Variants in PCDHGB5 observed in about 807,000 individuals in gnomAD.
PCDHGB5 encodes protocadherin gamma subfamily B, 5.
PCDHGB5 carries 48 observed loss-of-function variants against 62.9 expected under a neutral mutation model. The observed-to-expected ratio is 0.76, with a 90% CI of 0.61 to 0.97. The LOEUF (loss-of-function observed/expected upper bound fraction) is 0.97. PCDHGB5 is among the 50% of genes least tolerant of loss of function. PCDHGB5 has a pLI of 0.00. For synonymous variants in PCDHGB5, 474 were observed against 511.2 expected (o/e 0.93, Z 0.98); for missense variants, 1,118 against 1,198.6 (o/e 0.93, Z 0.99).
intron 1 of PCDHGB5, chr5:141,441,702 A>G: frequency 3.2e-6 from 1 of 309,906 alleles, no homozygotes. Context: ...GCGAGCCTTC[A>G]AGCTCACGCT....
At chr5:141,506,172 TG>T (rs2099850913) in intron 3 of PCDHGB5, among the ~76,000 whole-genome samples, 1 of 152,128 alleles carries the variant, frequency 6.6e-6, no homozygotes, top group South Asian at 2.1e-4. Flanking sequence ...CAGCCTAAGC[TG>T]GGCGTGGTGG....
intron 1 of PCDHGB5, chr5:141,409,662 TCTC>T (rs1473145245): frequency 2.5e-6 from 4 of 1,613,562 alleles, no homozygotes; most frequent in Admixed American, 1.7e-5. Context: ...AATGGCCACA[TCTC>T]CTACTCTATA....
At chr5:141,427,092 G>T in intron 1 of PCDHGB5, 1 of 458,134 alleles carries the variant, frequency 2.2e-6, no homozygotes, top group Non-Finnish European at 4.4e-6. Flanking sequence ...CCAGGATGAG[G>T]GTGTCAATGC....
At chr5:141,400,904 T>C (rs958521699) in intron 1 of PCDHGB5, among the ~76,000 whole-genome samples, 14 of 152,250 alleles carry the variant, frequency 9.2e-5, no homozygotes, top group African/African-American at 3.4e-4. Context: ...TAATTCATCT[T>C]TTAAAGCAAA....
At position 141,491,899 on chromosome 5, in the gene PCDHGB5, G is replaced by A; in HGVS notation, c.2398-2908G>A. The A allele has an allele frequency of 7.0e-7, 1 of 1,433,322 alleles. No homozygotes were observed. Among genetic ancestry groups the A allele is most frequent in the South Asian group, 1.5e-5 (1 of 67,156 alleles). The allele number at this position is 1,433,322 out of a possible 1,614,324, so 88.8% of individuals were successfully genotyped here. A position where few individuals can be genotyped will look rare whatever the true frequency, so the allele number is the denominator to read the frequency against. On this transcript the variant is annotated intron_variant, in intron 1 of 3. Coordinates refer to ENST00000617380, the MANE Select transcript of PCDHGB5 (RefSeq NM_018925.3). The surrounding 1 kb of genome is among the most constrained non-coding windows in gnomAD (Gnocchi z 6.9). ...TTAAGGGATGGGGCTCCGAGCACCG[G>A]GGGTGGTGGCGACTGTGGGCGAGGG... is the stretch of plus-strand genomic sequence containing the variant.
intron 1 of PCDHGB5, among the ~76,000 whole-genome samples, chr5:141,464,076 C>A (rs561982216): frequency 3.1e-4 from 47 of 152,132 alleles, no homozygotes; most frequent in African/African-American, 9.4e-4. Context: ...GCCAGCCTGG[C>A]CAACATGGTG....
At chr5:141,403,772 A>G in intron 1 of PCDHGB5, 1 of 1,613,960 alleles carries the variant, frequency 6.2e-7, no homozygotes, top group Middle Eastern at 1.7e-4. Flanking sequence ...TGAGGGAATC[A>G]ACGGAAAAGT....
intron 3 of PCDHGB5, among the ~76,000 whole-genome samples, chr5:141,507,802 T>G (rs886950696): frequency 6.6e-6 from 1 of 152,204 alleles, no homozygotes; most frequent in African/African-American, 2.4e-5. Context: ...GCCTGCGCCC[T>G]GGGGAACGGA....
At position 141,409,172 on chromosome 5, in the gene PCDHGB5, G is replaced by T. The variant is rs574905228; in HGVS notation, c.2397+8648G>T. ...CACCATGGAAGTGGAAGCGAAGGAC[G>T]GAGGTGGTCTCTCTACCCAGTGTAA... On this transcript the variant is annotated intron_variant, in intron 1 of 3. Coordinates refer to ENST00000617380, the MANE Select transcript of PCDHGB5 (RefSeq NM_018925.3). The T allele has an allele frequency of 1.4e-5, 22 of 1,614,006 alleles. No homozygotes were observed. In the South Asian group the frequency reaches 2.4e-4, roughly 18 times the overall value.
At chr5:141,421,788 G>C (rs1262781272) in intron 1 of PCDHGB5, 7 of 1,613,682 alleles carry the variant, frequency 4.3e-6, no homozygotes, top group Admixed American at 3.3e-5. Flanking sequence ...GGGGCAGAAC[G>C]GATGGGGCCA....
intron 1 of PCDHGB5, among the ~76,000 whole-genome samples, chr5:141,425,769 A>C (rs1355689852): frequency 6.6e-6 from 1 of 152,256 alleles, no homozygotes; most frequent in Non-Finnish European, 1.5e-5. Flanking sequence ...ACAGGAGAGA[A>C]GACTTTGCCT....
chr5:141,464,515 A>C (rs969421973), intron 1 of PCDHGB5, among the ~76,000 whole-genome samples: 4 of 152,028 alleles, frequency 2.6e-5, no homozygotes, highest in Non-Finnish European at 4.4e-5. Flanking sequence ...CATAAGGTAA[A>C]GGCATATGTA....
At chr5:141,500,026 T>G (rs1297397353) in intron 2 of PCDHGB5, among the ~76,000 whole-genome samples, 1 of 151,974 alleles carries the variant, frequency 6.6e-6, no homozygotes, top group Non-Finnish European at 1.5e-5. Flanking sequence ...TATATTTGAG[T>G]GAGTGTCTCT....
chr5:141,423,184 C>A (rs747938944), intron 1 of PCDHGB5: 1 of 1,613,442 alleles, frequency 6.2e-7, no homozygotes, highest in South Asian at 1.1e-5. Flanking sequence ...CCACGGCCAG[C>A]CCCCTCTCTC....
In PCDHGB5 at chr5:141,477,018, C is replaced by T. The variant is rs2099403540; in HGVS notation, c.2398-17789C>T. The T allele has an allele frequency of 3.1e-6, 5 of 1,614,262 alleles. No homozygotes were observed. Among genetic ancestry groups the T allele is most frequent in the Non-Finnish European group, 4.2e-6 (5 of 1,180,048 alleles). ...CAACTATTCGCCTTAGACCTTGTAA[C>T]CGGGATGCTGACAATCAAGGGTCGG... On this transcript the variant is annotated intron_variant, in intron 1 of 3. Coordinates refer to ENST00000617380, the MANE Select transcript of PCDHGB5 (RefSeq NM_018925.3). The surrounding 1 kb of genome is among the most constrained non-coding windows in gnomAD (Gnocchi z 4.9).
In PCDHGB5 at chr5:141,400,304, G is replaced by T; in HGVS notation, c.2177G>T (p.Gly726Val). The T allele has an allele frequency of 6.2e-7, 1 of 1,614,048 alleles. No homozygotes were observed. The highest frequency in any genetic ancestry group is 1.3e-5 in the African/African-American group (1 of 75,064). ...GCCGCCTGGAGCTGCTTCCAACCTG[G>T]TCTCTGTGTCAAGTCTGGACCTGTG... ...SPAAWSCFQPGLCVKSGPVVP... is the reference protein window; with the variant it reads ...SPAAWSCFQPVLCVKSGPVVP... The change falls in exon 1 of 4, where the codon GGT becomes GTT. Residue 726 changes from glycine (G) to valine (V), a missense_variant. Around this residue, in one of 2 missense-constraint regions of PCDHGB5, gnomAD observed 1,034 missense variants for 1,029.1 expected, o/e 1.00. Transcript: ENST00000617380.
intron 1 of PCDHGB5, chr5:141,404,696 G>A (rs757662807): frequency 6.2e-7 from 1 of 1,614,104 alleles, no homozygotes; most frequent in Non-Finnish European, 8.5e-7. Context: ...ACCCCGCTCT[G>A]CAGAGCCTGG....
intron 1 of PCDHGB5, chr5:141,408,627 T>A: frequency 6.2e-7 from 1 of 1,613,916 alleles, no homozygotes; most frequent in Admixed American, 1.7e-5. Flanking sequence ...CATTTAGAAA[T>A]TTTCGAATCT....
chr5:141,492,106 C>T (rs1265796740), intron 1 of PCDHGB5, among the ~76,000 whole-genome samples: 2 of 152,238 alleles, frequency 1.3e-5, no homozygotes, highest in South Asian at 2.1e-4. Flanking sequence ...TGTAGATTTC[C>T]TCTTCGATTT....
Sources: gnomAD v4.1 joint callset for allele counts (sites outside exome capture counted in the v4.1 genomes callset) on GRCh38, gnomAD v4.1.1 for gene constraint, gnomAD v4.1.1 regional missense constraint, Gnocchi (gnomAD v3.1) non-coding constraint, MANE v1.5 for transcripts, NCBI Gene and HGNC (gene_info 2026-07-23, HGNC 2026-07-21) for gene names.